Variants in GAK observed in about 807,000 individuals in gnomAD.
The protein encoded by GAK is cyclin-G-associated kinase.
GAK carries 79 observed loss-of-function variants against 143.9 expected under a neutral mutation model. The ratio of observed to expected loss-of-function variants is 0.55; its 90% CI spans 0.46 to 0.66. The LOEUF is 0.66. GAK is among the 30% of genes least tolerant of loss of function. GAK has a pLI of 0.00. For missense variants in GAK, 1,693 were observed against 1,779.7 expected (o/e 0.95, Z 0.88); for synonymous variants, 881 against 765.5 (o/e 1.15, Z -2.49).
intron 23 of GAK, among the ~76,000 whole-genome samples, chr4:861,076 C>G (rs973168245): frequency 3.3e-5 from 5 of 152,176 alleles, no homozygotes; most frequent in African/African-American, 1.2e-4. Context: ...TAGAAGACGG[C>G]GAGCTTAACT....
At chr4:884,956 G>A (rs912398919) in intron 11 of GAK, among the ~76,000 whole-genome samples, 1 of 151,952 alleles carries the variant, frequency 6.6e-6, no homozygotes, top group Non-Finnish European at 1.5e-5. Flanking sequence ...AAGTGACCAT[G>A]CGTTCAAACG....
chr4:851,169 C>A, intron 25 of GAK, 85 bp from the exon 26 acceptor site: 2 of 1,226,730 alleles, frequency 1.6e-6, no homozygotes, highest in Non-Finnish European at 2.3e-6. Context: ...GTGATCTCAG[C>A]TCTCTGCAGC....
At position 852,015 on chromosome 4, in the gene GAK, A is replaced by G. The variant is rs749711609; in HGVS notation, c.3284-41T>C. On this transcript the variant is annotated intron_variant, in intron 24 of 27. Transcript: ENST00000314167. ...TCGGAAACTCGGCATCTGGTTGTCC[A>G]TGAGGGGCAACTACTGTTTCTATAA... The G allele has an allele frequency of 5.3e-6, 8 of 1,505,680 alleles. No homozygotes were observed. In the South Asian group the frequency reaches 8.0e-5, roughly 15 times the overall value. 93.3% of individuals were successfully genotyped at this position (1,505,680 alleles called of 1,614,324 possible).
rs554182574 is a variant in GAK at position 930,213 on chromosome 4, ACT to A, written c.145+1828_145+1829del. Among the ~76,000 whole-genome samples, 8 of 152,190 alleles carry A rather than the reference ACT, an allele frequency of 5.3e-5. No individual in the cohort carries two copies. The East Asian group carries it at 1.5e-3, about 29-fold the overall frequency. Reference sequence around the variant, plus strand: ...ATAAAATACTTAATTCAGCTTTCACACTCTGTTTCAGTTCAAAGAGGCTTCAA... The same window carrying A: ...ATAAAATACTTAATTCAGCTTTCACACTGTTTCAGTTCAAAGAGGCTTCAA... On this transcript the variant is annotated intron_variant, in intron 1 of 27. Coordinates refer to ENST00000314167, the MANE Select transcript of GAK (RefSeq NM_005255.4).
At chr4:883,891 C>A in intron 12 of GAK, 146 bp downstream of exon 12, 1 of 756,980 alleles carries the variant, frequency 1.3e-6, no homozygotes, top group Middle Eastern at 3.7e-4. Context: ...CGCCTGCCTG[C>A]CAAGGGGCCC....
intron 9 of GAK, among the ~76,000 whole-genome samples, chr4:890,890 G>C (rs1384898654): frequency 1.3e-5 from 2 of 152,052 alleles, no homozygotes; most frequent in African/African-American, 4.8e-5. Flanking sequence ...CAGACTCTTG[G>C]GCTACAGCTT....
At chr4:888,160 C>G (rs537913881) in intron 11 of GAK, 2 of 152,300 alleles carry the variant, frequency 1.3e-5, no homozygotes, top group Non-Finnish European at 2.9e-5. Context: ...TCCTGCATCA[C>G]GGGCACCAGT....
At chr4:908,307 G>A (rs1470913505) in intron 4 of GAK, among the ~76,000 whole-genome samples, 2 of 152,142 alleles carry the variant, frequency 1.3e-5, no homozygotes, top group Non-Finnish European at 2.9e-5. Context: ...AACAGAAGAC[G>A]CAGTGATGCA....
intron 24 of GAK, chr4:852,566 AG>A (rs1748362676): frequency 6.5e-6 from 1 of 154,938 alleles, no homozygotes; most frequent in Non-Finnish European, 1.4e-5. Context: ...CAGCCTCCCA[AG>A]TAGCTGGGAC....
In GAK at chr4:866,949, C is replaced by T. The variant is rs545716507; in HGVS notation, c.2872+7G>A. 26 of 1,480,998 alleles carry T rather than the reference C, an allele frequency of 1.8e-5. No homozygotes were observed. The South Asian group carries it at 3.5e-4, about 20-fold the overall frequency. 91.7% of individuals were successfully genotyped at this position (1,480,998 alleles called of 1,614,324 possible). On this transcript the variant is annotated splice_region_variant and intron_variant, in intron 21 of 27. Coordinates refer to ENST00000314167, the MANE Select transcript of GAK (RefSeq NM_005255.4). ...AAGCCACTCGCCTTCAGAACAGAAA[C>T]ACGTACCAGCGGCAGGGGGCCCTCC... is the stretch of plus-strand genomic sequence containing the variant.
At chr4:859,580 C>T (rs368665938) in intron 24 of GAK, 26 bp downstream of exon 24, 20 of 1,587,620 alleles carry the variant, frequency 1.3e-5, no homozygotes, top group Middle Eastern at 3.3e-4. Context: ...ACAGCTTCCA[C>T]ACCCCCAAAG....
intron 5 of GAK, among the ~76,000 whole-genome samples, chr4:901,332 T>C (rs1196065536): frequency 3.5e-5 from 5 of 144,604 alleles, no homozygotes; most frequent in South Asian, 4.4e-4. Context: ...CGGCCTTGGA[T>C]CCCCCACCCA....
At chr4:874,118 C>T (rs937949294) in intron 18 of GAK, among the ~76,000 whole-genome samples, 3 of 150,934 alleles carry the variant, frequency 2.0e-5, no homozygotes, top group Admixed American at 6.6e-5. Context: ...ATCCCCTCCT[C>T]GGCTGTGTGT....
At chr4:861,705 C>T (rs894300758) in intron 23 of GAK, among the ~76,000 whole-genome samples, 5 of 152,246 alleles carry the variant, frequency 3.3e-5, no homozygotes, top group Non-Finnish European at 7.3e-5. Context: ...AGTGAACACA[C>T]GAATGATACG....
At chr4:892,319 C>A (rs945243824) in intron 9 of GAK, among the ~76,000 whole-genome samples, 2 of 152,172 alleles carry the variant, frequency 1.3e-5, no homozygotes, top group Non-Finnish European at 2.9e-5. Flanking sequence ...TGGACACAGA[C>A]CCCTGCGAGA....
At chr4:866,647 C>A in intron 21 of GAK, 113 bp from the exon 22 acceptor site, 2 of 1,143,522 alleles carry the variant, frequency 1.7e-6, no homozygotes, top group South Asian at 1.6e-5. Flanking sequence ...CAGCCCAGAC[C>A]CCACGGCTGC....
intron 1 of GAK, among the ~76,000 whole-genome samples, chr4:926,314 C>T (rs568338074): frequency 8.1e-4 from 123 of 152,304 alleles, no homozygotes; most frequent in Admixed American, 2.0e-3. Flanking sequence ...TGGTGTTGGC[C>T]TGTCACTCTC....
At chr4:914,428 C>T (rs1312597321) in intron 1 of GAK, among the ~76,000 whole-genome samples, 1 of 117,528 alleles carries the variant, frequency 8.5e-6, no homozygotes, top group African/African-American at 3.4e-5. Flanking sequence ...CACACACAGC[C>T]CCAGCGTGCA....
intron 1 of GAK, among the ~76,000 whole-genome samples, chr4:915,085 C>T (rs1722895117): frequency 7.0e-6 from 1 of 143,268 alleles, no homozygotes; most frequent in African/African-American, 2.7e-5. Context: ...CACGGCCCCA[C>T]ACACACAGCC....
Sources: gnomAD v4.1 joint callset for allele counts (sites outside exome capture counted in the v4.1 genomes callset) on GRCh38, gnomAD v4.1.1 for gene constraint, MANE v1.5 for transcripts, NCBI Gene and HGNC (gene_info 2026-07-23, HGNC 2026-07-21) for gene names.